Variants in RGS6 observed in about 807,000 individuals in gnomAD.
The protein encoded by RGS6 is regulator of G protein signaling 6.
Under a neutral mutation model 78.5 loss-of-function variants are expected in RGS6, and 30 were observed. That is an observed-to-expected ratio of 0.38 (90% confidence interval 0.29 to 0.52). RGS6 has a LOEUF of 0.52. Among genes scored for constraint, RGS6 ranks in the 20% least tolerant of loss-of-function variants. The pLI is 0.85. For synonymous variants in RGS6, 206 were observed against 206.0 expected (o/e 1.00, Z 0.00); for missense variants, 495 against 609.7 (o/e 0.81, Z 1.98).
intron 2 of RGS6, among the ~76,000 whole-genome samples, chr14:72,116,467 G>C (rs2095887351): frequency 1.3e-5 from 2 of 151,610 alleles, no homozygotes; most frequent in African/African-American, 2.4e-5. Context: ...ATGTTTAACA[G>C]TGTTCCTGGC....
At chr14:71,900,772 A>C in the RGS6 span, among the ~76,000 whole-genome samples, 2 of 152,100 alleles carry the variant, frequency 1.3e-5, no homozygotes, top group Non-Finnish European at 2.9e-5. Context: ...TAAATAGAAA[A>C]GAGGTTTAGT....
At chr14:72,280,873 C>T (rs561406578) in intron 2 of RGS6, among the ~76,000 whole-genome samples, 26 of 152,220 alleles carry the variant, frequency 1.7e-4, no homozygotes, top group Admixed American at 4.6e-4. Flanking sequence ...CCAAATGCCT[C>T]GTCCCACAGA....
chr14:72,523,580 C>A (rs557525278), intron 15 of RGS6, among the ~76,000 whole-genome samples: 1 of 152,162 alleles, frequency 6.6e-6, no homozygotes, highest in Non-Finnish European at 1.5e-5. Flanking sequence ...TTTGACCACA[C>A]GCATTGTTAG....
At chr14:72,087,468 A>G (rs1325622189) in intron 2 of RGS6, among the ~76,000 whole-genome samples, 3 of 152,122 alleles carry the variant, frequency 2.0e-5, no homozygotes, top group Admixed American at 6.6e-5. Context: ...AATGGAATGC[A>G]ATGGAATATT....
chr14:72,196,060 T>G (rs2040040105), intron 2 of RGS6, among the ~76,000 whole-genome samples: 1 of 151,884 alleles, frequency 6.6e-6, no homozygotes, highest in African/African-American at 2.4e-5. Context: ...GGAGGCCATT[T>G]TAGTAGTGGA....
intron 3 of RGS6, among the ~76,000 whole-genome samples, chr14:72,405,221 C>T (rs1238877619): frequency 6.6e-6 from 1 of 152,082 alleles, no homozygotes; most frequent in South Asian, 2.1e-4. Context: ...TGCTGCCTTC[C>T]GAATCCTCTC....
chr14:72,628,876 G>C, the RGS6 span, among the ~76,000 whole-genome samples: 5 of 152,220 alleles, frequency 3.3e-5, no homozygotes, highest in Non-Finnish European at 7.3e-5. Context: ...GAGGAAGAAA[G>C]AGAATAAGAT....
At chr14:71,931,928 G>C (rs2087895966), upstream of RGS6, among the ~76,000 whole-genome samples, 1 of 152,158 alleles carries the variant, frequency 6.6e-6, no homozygotes. Context: ...ACATAAAAAT[G>C]ACGAGGTTAG....
intron 2 of RGS6, among the ~76,000 whole-genome samples, chr14:72,269,196 CCTT>C (rs764788709): frequency 5.3e-5 from 8 of 152,062 alleles, no homozygotes; most frequent in African/African-American, 1.4e-4. Flanking sequence ...ACTGTGATAC[CCTT>C]CTTCTTGGTC....
At chr14:71,891,356 A>G in the RGS6 span, among the ~76,000 whole-genome samples, 2 of 152,170 alleles carry the variant, frequency 1.3e-5, no homozygotes, top group African/African-American at 4.8e-5. Context: ...TGCAGAAACA[A>G]GGTGGCTCCT....
At chr14:71,981,531 A>C (rs2094452760) in intron 2 of RGS6, among the ~76,000 whole-genome samples, 2 of 151,508 alleles carry the variant, frequency 1.3e-5, no homozygotes, top group African/African-American at 2.4e-5. Flanking sequence ...GTGAGGTGTC[A>C]GTGTGCCCCT....
chr14:72,606,425 G>A, the RGS6 span, among the ~76,000 whole-genome samples: 1 of 152,052 alleles, frequency 6.6e-6, no homozygotes, highest in African/African-American at 2.4e-5. Flanking sequence ...GCCAACCCAG[G>A]GAGGGGAAAC....
intron 2 of RGS6, among the ~76,000 whole-genome samples, chr14:72,281,141 A>ATTTT (rs2061499563): frequency 7.2e-6 from 1 of 138,064 alleles, no homozygotes; most frequent in African/African-American, 2.8e-5. Context: ...GTGAAACAAG[A>ATTTT]TTCTTTTTTT....
chr14:72,023,775 T>A (rs1362111042), intron 2 of RGS6, among the ~76,000 whole-genome samples: 1 of 152,170 alleles, frequency 6.6e-6, no homozygotes, highest in Non-Finnish European at 1.5e-5. Flanking sequence ...TGAGACCTGG[T>A]CCTGGAGTAT....
intron 2 of RGS6, among the ~76,000 whole-genome samples, chr14:72,135,906 G>A (rs1172223629): frequency 6.6e-6 from 1 of 152,056 alleles, no homozygotes; most frequent in Non-Finnish European, 1.5e-5. Flanking sequence ...GGAAGGAGGA[G>A]GAGGGGGAGG....
intron 2 of RGS6, among the ~76,000 whole-genome samples, chr14:72,139,079 T>C (rs1247162954): frequency 6.6e-6 from 1 of 152,172 alleles, no homozygotes; most frequent in Non-Finnish European, 1.5e-5. Context: ...GCAAGGGTAT[T>C]TCACTTAGGC....
At chr14:71,887,642 A>C in the RGS6 span, among the ~76,000 whole-genome samples, 3 of 151,218 alleles carry the variant, frequency 2.0e-5, no homozygotes, top group Non-Finnish European at 2.9e-5. Flanking sequence ...GTGGGGAAAA[A>C]CTCCGCCCTG....
chr14:72,162,838 G>GTA (rs924186223), intron 2 of RGS6, among the ~76,000 whole-genome samples: 19 of 151,878 alleles, frequency 1.3e-4, no homozygotes, highest in African/African-American at 2.2e-4. Flanking sequence ...ACATATGTGT[G>GTA]TATATATATA....
At chr14:72,327,296 G>A (rs769099339) in intron 2 of RGS6, among the ~76,000 whole-genome samples, 1 of 152,052 alleles carries the variant, frequency 6.6e-6, no homozygotes, top group African/African-American at 2.4e-5. Context: ...CTGTGGAGCA[G>A]GGACTGTCAG....
Sources: gnomAD v4.1 joint callset for allele counts (sites outside exome capture counted in the v4.1 genomes callset) on GRCh38, gnomAD v4.1.1 for gene constraint, MANE v1.5 for transcripts, NCBI Gene and HGNC (gene_info 2026-07-23, HGNC 2026-07-21) for gene names.